Variants in ADGRG6 observed in about 807,000 individuals in gnomAD.
ADGRG6 encodes the protein G-protein coupled receptor 126.
A neutral mutation model predicts 142.4 loss-of-function variants in ADGRG6; 84 were observed. The observed-to-expected ratio is 0.59, with a 90% CI of 0.49 to 0.71. ADGRG6 has a LOEUF of 0.71. Ranked by LOEUF, ADGRG6 falls within the 30% of genes least tolerant of loss-of-function variation. The probability of loss-of-function intolerance (pLI) is 0.00; values close to 1 mark genes in which losing one functional copy is unlikely to be tolerated. For synonymous variants in ADGRG6, 521 were observed against 520.5 expected (o/e 1.00, Z -0.01); for missense variants, 1,367 against 1,466.6 (o/e 0.93, Z 1.11).
At chr6:142,346,862 C>T in intron 2 of ADGRG6, among the ~76,000 whole-genome samples, 1 of 85,146 alleles carries the variant, frequency 1.2e-5, no homozygotes, top group East Asian at 3.6e-4. Flanking sequence ...ACATCACACA[C>T]TGGGGCCTGT....
intron 4 of ADGRG6, among the ~76,000 whole-genome samples, chr6:142,371,525 C>T (rs1448541413): frequency 6.7e-6 from 1 of 148,442 alleles, no homozygotes; most frequent in Admixed American, 6.8e-5. Flanking sequence ...GCTATGCTGC[C>T]CAGGCTGGAG....
chr6:142,406,247 T>G (rs1183043352), intron 15 of ADGRG6, among the ~76,000 whole-genome samples: 1 of 152,130 alleles, frequency 6.6e-6, no homozygotes, highest in Non-Finnish European at 1.5e-5. Context: ...AGCAGCATTC[T>G]TGGCTTTAAT....
At chr6:142,315,690 G>A (rs1582963908) in intron 2 of ADGRG6, among the ~76,000 whole-genome samples, 1 of 152,006 alleles carries the variant, frequency 6.6e-6, no homozygotes, top group Non-Finnish European at 1.5e-5. Flanking sequence ...AATTAGCCTG[G>A]TGTGGTGGTG....
chr6:142,323,388 C>T (rs1367643761), intron 2 of ADGRG6, among the ~76,000 whole-genome samples: 3 of 151,948 alleles, frequency 2.0e-5, no homozygotes, highest in Non-Finnish European at 4.4e-5. Context: ...ATCTTTACAT[C>T]TTAAAATCTG....
intron 13 of ADGRG6, 33 bp from the exon 14 acceptor site, chr6:142,403,769 A>G: frequency 7.4e-7 from 1 of 1,351,992 alleles, no homozygotes; most frequent in Non-Finnish European, 1.0e-6. Flanking sequence ...ATATCATATT[A>G]CTTAATAGTG....
At chr6:142,442,725 A>C (rs1777818775) in intron 24 of ADGRG6, among the ~76,000 whole-genome samples, 1 of 152,056 alleles carries the variant, frequency 6.6e-6, no homozygotes, top group African/African-American at 2.4e-5. Context: ...TATCCAGCTA[A>C]AAACCTTGGG....
chr6:142,332,789 G>A (rs1279685928), intron 2 of ADGRG6, among the ~76,000 whole-genome samples: 2 of 152,146 alleles, frequency 1.3e-5, no homozygotes, highest in Non-Finnish European at 2.9e-5. Flanking sequence ...ATCCTCCCAA[G>A]CAACAAGTAA....
intron 16 of ADGRG6, 53 bp downstream of exon 16, chr6:142,408,322 T>G: frequency 7.4e-7 from 1 of 1,351,774 alleles, no homozygotes; most frequent in Non-Finnish European, 1.0e-6. Flanking sequence ...TTTAATATAC[T>G]AGTGGGGCCT....
At chr6:142,380,097 T>C (rs1781693963) in intron 4 of ADGRG6, among the ~76,000 whole-genome samples, 1 of 152,148 alleles carries the variant, frequency 6.6e-6, no homozygotes, top group African/African-American at 2.4e-5. Flanking sequence ...GAAAGAGTTA[T>C]TATCAGTAGA....
At position 142,367,554 on chromosome 6, in the gene ADGRG6, T is replaced by G. The variant is rs1251588110; in HGVS notation, c.104-15T>G. 2 of 1,605,332 alleles carry G rather than the reference T, an allele frequency of 1.2e-6. No individual in the cohort carries two copies. Among genetic ancestry groups the G allele is most frequent in the African/African-American group, 2.7e-5 (2 of 74,782 alleles). On this transcript the variant is annotated splice_polypyrimidine_tract_variant and intron_variant, in intron 2 of 24. Coordinates refer to ENST00000367609, the MANE Select transcript of ADGRG6 (RefSeq NM_198569.3). The stretch of plus-strand genomic sequence containing the variant: ...CCCAGCCCTTCTCTCTGTCTCTCTT[T>G]TGTCTGGCCAGCAGTGTGGGGATGT...
At position 142,419,952 on chromosome 6, in the gene ADGRG6, A is replaced by G. The variant is rs775625580; in HGVS notation, c.3167A>G (p.Asn1056Ser). ...QICGRNGKRS[N>S]RTLREEVLRN... Reference sequence around the variant, plus strand: ...TGTGGGAGGAATGGCAAGAGAAGCAACCGGACCCTGAGAGAAGAAGTGTTA... The same window carrying G: ...TGTGGGAGGAATGGCAAGAGAAGCAGCCGGACCCTGAGAGAAGAAGTGTTA... The change falls in exon 22 of 25, where the codon AAC becomes AGC. Residue 1056 changes from asparagine to serine, a missense_variant. Transcript: ENST00000367609. 2 of 1,613,452 alleles carry G rather than the reference A, an allele frequency of 1.2e-6. No homozygotes were observed. The highest frequency in any genetic ancestry group is 2.7e-5 in the African/African-American group (2 of 74,860).
At chr6:142,346,454 G>C (rs927712525) in intron 2 of ADGRG6, among the ~76,000 whole-genome samples, 3 of 152,074 alleles carry the variant, frequency 2.0e-5, no homozygotes, top group Non-Finnish European at 4.4e-5. Context: ...CTTCTTTTGA[G>C]AAGTATCTGT....
intron 15 of ADGRG6, among the ~76,000 whole-genome samples, chr6:142,407,551 C>G (rs757812796): frequency 1.3e-5 from 2 of 152,140 alleles, no homozygotes; most frequent in African/African-American, 2.4e-5. Context: ...TTGGTCCAAA[C>G]CATTTTATGG....
At chr6:142,326,699 G>T (rs1342055) in intron 2 of ADGRG6, among the ~76,000 whole-genome samples, 5 of 152,008 alleles carry the variant, frequency 3.3e-5, no homozygotes, top group African/African-American at 1.2e-4. Flanking sequence ...TCAAAACTCC[G>T]TTATTAGGTG....
At chr6:142,417,645 A>G (rs1431443954) in intron 21 of ADGRG6, among the ~76,000 whole-genome samples, 1 of 152,202 alleles carries the variant, frequency 6.6e-6, no homozygotes, top group African/African-American at 2.4e-5. Flanking sequence ...ATTTCAGAAG[A>G]TTTCATAACA....
chr6:142,350,294 A>C (rs1401997971), intron 2 of ADGRG6, among the ~76,000 whole-genome samples: 1 of 152,176 alleles, frequency 6.6e-6, no homozygotes, highest in South Asian at 2.1e-4. Flanking sequence ...GGAAAAAATA[A>C]TTTTCATTTT....
At chr6:142,425,134 G>T (rs529390523) in intron 22 of ADGRG6, among the ~76,000 whole-genome samples, 1 of 152,306 alleles carries the variant, frequency 6.6e-6, no homozygotes, top group East Asian at 1.9e-4. Flanking sequence ...AGAAGGCTCT[G>T]TATTTCAATC....
At chr6:142,332,910 A>C (rs1779129487) in intron 2 of ADGRG6, among the ~76,000 whole-genome samples, 1 of 152,140 alleles carries the variant, frequency 6.6e-6, no homozygotes, top group South Asian at 2.1e-4. Context: ...AAGCACATGG[A>C]AGTGCTAGTG....
At chr6:142,377,437 T>A (rs746778976) in intron 4 of ADGRG6, among the ~76,000 whole-genome samples, 3 of 152,172 alleles carry the variant, frequency 2.0e-5, no homozygotes, top group Non-Finnish European at 4.4e-5. Context: ...ATGGGCAGGC[T>A]CAGGCAAGGC....
Sources: allele counts gnomAD v4.1 joint callset (sites outside exome capture counted in the v4.1 genomes callset), GRCh38; gene constraint gnomAD v4.1.1; transcripts MANE v1.5; gene names NCBI Gene and HGNC (gene_info 2026-07-23, HGNC 2026-07-21).